Variants in PSMB6 observed in about 807,000 individuals in gnomAD.
PSMB6 encodes proteasome 20S subunit beta 6, also known as proteasome subunit beta type-6.
Under a neutral mutation model 28.2 loss-of-function variants are expected in PSMB6, and 11 were observed. The observed-to-expected ratio is 0.39, with a 90% CI of 0.25 to 0.65. PSMB6 has a LOEUF of 0.65. Ranked by LOEUF, PSMB6 falls within the 30% of genes least tolerant of loss-of-function variation. The probability of loss-of-function intolerance (pLI) is 0.48; values close to 1 mark genes in which losing one functional copy is unlikely to be tolerated. For synonymous variants in PSMB6, 126 were observed against 117.7 expected (o/e 1.07, Z -0.45); for missense variants, 268 against 319.4 (o/e 0.84, Z 1.23).
intron 4 of PSMB6, 46 bp from the exon 5 acceptor site, chr17:4,797,963 T>C: frequency 6.2e-7 from 1 of 1,612,088 alleles, no homozygotes; most frequent in Non-Finnish European, 8.5e-7. Context: ...TGTACGTGTG[T>C]TGGAGGGAGG....
chr17:4,796,687 T>G, intron 1 of PSMB6, 41 bp from the exon 2 acceptor site: 2 of 1,504,280 alleles, frequency 1.3e-6, no homozygotes, highest in Non-Finnish European at 1.9e-6. Context: ...GGTTTGTGTC[T>G]GCTGGAGAAT....
In PSMB6 at chr17:4,798,081, A is replaced by G. The variant is rs1354969847; in HGVS notation, c.505A>G (p.Ile169Val). The change falls in exon 5 of 6, where the codon ATC becomes GTC. Residue 169 changes from isoleucine to valine, a missense_variant. Physicochemically the swap from Ile to Val is conservative, Grantham distance 29. Coordinates refer to ENST00000270586, the MANE Select transcript of PSMB6 (RefSeq NM_002798.3). The stretch of plus-strand genomic sequence containing the variant: ...CATTGGAGGCTCCGGGAGCTCCTAC[A>G]TCTATGGCTATGTTGATGCTACCTA... Reference protein sequence around the residue: ...FAIGGSGSSYIYGYVDATYRE... With the variant: ...FAIGGSGSSYVYGYVDATYRE... 1.2e-6 allele frequency: 2 copies of G among 1,614,108 alleles called. No individual in the cohort carries two copies. Among genetic ancestry groups the G allele is most frequent in the Admixed American group, 3.3e-5 (2 of 59,988 alleles).
rs746269217 is a variant in PSMB6, at chr17:4,797,769, G to A, written c.390G>A (p.Ala130=). 17 of 1,614,010 alleles carry A rather than the reference G, an allele frequency of 1.1e-5. No homozygotes were observed. The highest frequency in any genetic ancestry group is 1.6e-4 in the Middle Eastern group (1 of 6,082). The change falls in exon 4 of 6, where the codon GCG becomes GCA. Residue 130 remains alanine, a synonymous_variant. Transcript: ENST00000270586. ...ACCGATACCGGGAAGACCTGATGGC[G>A]GGAATCATCATCGCAGGCTGGGACC... is the stretch of plus-strand genomic sequence containing the variant. ...MCYRYREDLM[A]GIIIAGWDPQ...
rs376031812 is a variant in PSMB6 at position 4,798,428 on chromosome 17, G to A, written c.*6G>A. ...CCACTTTACCACCCGCCTGAATCCT[G>A]GGATTCTAGTATGCAATAAGAGATG... On this transcript the variant is annotated 3_prime_UTR_variant, in exon 6 of 6. Coordinates refer to ENST00000270586, the MANE Select transcript of PSMB6 (RefSeq NM_002798.3). 2.5e-6 allele frequency: 4 copies of A among 1,613,694 alleles called. No individual in the cohort carries two copies. Among genetic ancestry groups the A allele is most frequent in the South Asian group, 1.1e-5 (1 of 91,014 alleles).
chr17:4,797,173 T>G (rs190928396), intron 2 of PSMB6: 2 of 470,276 alleles, frequency 4.3e-6, no homozygotes, highest in Admixed American at 7.8e-5. Flanking sequence ...AAATTAGCCG[T>G]GCGTGGCGGT....
rs1201146093 is a variant in PSMB6 at position 4,796,318 on chromosome 17, A to G, written c.102+22A>G. 4 of 1,540,186 alleles carry G rather than the reference A, an allele frequency of 2.6e-6. No individual in the cohort carries two copies. In the African/African-American group the frequency reaches 4.1e-5, roughly 16 times the overall value. The stretch of plus-strand genomic sequence containing the variant: ...TGGGGTGAGGAAGGAATCGGGGTTC[A>G]TAGGACGTGCACAAGGCCTGACGCG... On this transcript the variant is annotated intron_variant, in intron 1 of 5. Transcript: ENST00000270586.
intron 5 of PSMB6, 33 bp downstream of exon 5, chr17:4,798,186 C>T (rs1243475291): frequency 1.2e-6 from 2 of 1,613,728 alleles, no homozygotes; most frequent in Non-Finnish European, 1.7e-6. Context: ...CTATGAGCTT[C>T]AACCCCAACT....
intron 2 of PSMB6, chr17:4,797,054 C>T (rs1400680183): frequency 2.0e-6 from 1 of 498,706 alleles, no homozygotes; most frequent in Admixed American, 3.7e-5. Flanking sequence ...TGGCTCACGC[C>T]TGTAATCCCA....
chr17:4,796,802 T>A lies in PSMB6; in HGVS notation c.170+7T>A. 6.3e-7 allele frequency: 1 copy of A among 1,587,152 alleles called. No homozygotes were observed. Among genetic ancestry groups the A allele is most frequent in the East Asian group, 2.2e-5 (1 of 44,734 alleles). ...ACTCCAGAACAACCACTGGGTGAGCTCAGGACAGATTTGTGAAAGGTCTTC... is the reference window on the plus strand; with the variant it reads ...ACTCCAGAACAACCACTGGGTGAGCACAGGACAGATTTGTGAAAGGTCTTC... On this transcript the variant is annotated splice_region_variant and intron_variant, in intron 2 of 5. Transcript: ENST00000270586.
intron 2 of PSMB6, chr17:4,797,019 A>G (rs1486584857): frequency 1.8e-6 from 1 of 560,260 alleles, no homozygotes; most frequent in Non-Finnish European, 3.2e-6. Context: ...GGATGAGAAT[A>G]AGCAATACTG....
rs550862551 is a variant in PSMB6 at position 4,796,189 on chromosome 17, A to G, written c.-6A>G. 16 of 1,577,310 alleles carry G rather than the reference A, an allele frequency of 1.0e-5. No individual in the cohort carries two copies. Among genetic ancestry groups the G allele is most frequent in the Non-Finnish European group, 1.2e-5 (14 of 1,160,994 alleles). On this transcript the variant is annotated 5_prime_UTR_variant, in exon 1 of 6. Coordinates refer to ENST00000270586, the MANE Select transcript of PSMB6 (RefSeq NM_002798.3). The stretch of plus-strand genomic sequence containing the variant: ...AGTTGCTTTGAGGCAGTACCGGAGG[A>G]GAAAGATGGCGGCTACCTTACTAGC...
Position 4,796,396 on chromosome 17 carries a change from A to C in PSMB6, c.102+100A>C. The C allele has an allele frequency of 3.0e-6, 3 of 990,636 alleles. No homozygotes were observed. In the South Asian group the frequency reaches 4.7e-5, roughly 15 times the overall value. 61.4% of individuals were successfully genotyped at this position (990,636 alleles called of 1,614,324 possible). On this transcript the variant is annotated intron_variant, in intron 1 of 5. Coordinates refer to ENST00000270586, the MANE Select transcript of PSMB6 (RefSeq NM_002798.3). ...GAGAGATCTGGCAGGGGTGGAGAGG[A>C]GGTGGAATGTGTTGTGCTCCAGGAA...
intron 4 of PSMB6, 82 bp from the exon 5 acceptor site, chr17:4,797,927 G>T: frequency 6.2e-7 from 1 of 1,604,394 alleles, no homozygotes; most frequent in Non-Finnish European, 8.5e-7. Flanking sequence ...ACGTGCCTCA[G>T]ACCAATAGCA....
At position 4,796,248 on chromosome 17, in the gene PSMB6, G is replaced by C. The variant is rs754447378; in HGVS notation, c.54G>C (p.Gly18=). 1.3e-6 allele frequency: 2 copies of C among 1,592,464 alleles called. No individual in the cohort carries two copies. Among genetic ancestry groups the C allele is most frequent in the South Asian group, 2.3e-5 (2 of 87,542 alleles). The change falls in exon 1 of 6, where the codon GGG becomes GGC. Residue 18 remains glycine, a synonymous_variant. Coordinates refer to ENST00000270586, the MANE Select transcript of PSMB6 (RefSeq NM_002798.3). ...GAGCCGGGCCAGCACCGGCTTGGGG[G>C]CCGGAGGCGTTCACTCCAGACTGGG... The part of the protein sequence containing the change: ...ARGAGPAPAW[G]PEAFTPDWES...
In PSMB6 at chr17:4,796,316, T is replaced by C; in HGVS notation, c.102+20T>C. 6.5e-7 allele frequency: 1 copy of C among 1,541,888 alleles called. No individual in the cohort carries two copies. The highest frequency in any genetic ancestry group is 1.4e-5 in the African/African-American group (1 of 73,282). Reference sequence around the variant, plus strand: ...ACTGGGGTGAGGAAGGAATCGGGGTTCATAGGACGTGCACAAGGCCTGACG... The same window carrying C: ...ACTGGGGTGAGGAAGGAATCGGGGTCCATAGGACGTGCACAAGGCCTGACG... On this transcript the variant is annotated intron_variant, in intron 1 of 5. Coordinates refer to ENST00000270586, the MANE Select transcript of PSMB6 (RefSeq NM_002798.3).
intron 1 of PSMB6, 61 bp from the exon 2 acceptor site, chr17:4,796,667 A>C: frequency 1.4e-6 from 2 of 1,424,084 alleles, no homozygotes; most frequent in Middle Eastern, 1.8e-4. Context: ...CTAGGTAGAG[A>C]GATCATTGAG....
In PSMB6 at chr17:4,797,954, G is replaced by A. The variant is rs1047211286; in HGVS notation, c.433-55G>A. ...CCAATAGCAGAATGGACAGGTGAAT[G>A]TACGTGTGTTGGAGGGAGGATACGA... On this transcript the variant is annotated intron_variant, in intron 4 of 5. Coordinates refer to ENST00000270586, the MANE Select transcript of PSMB6 (RefSeq NM_002798.3). 3 of 1,610,058 alleles carry A rather than the reference G, an allele frequency of 1.9e-6. No individual in the cohort carries two copies. The African/African-American group carries it at 4.0e-5, about 22-fold the overall frequency.
chr17:4,797,323 A>G, intron 2 of PSMB6, 115 bp from the exon 3 acceptor site: 2 of 1,320,298 alleles, frequency 1.5e-6, no homozygotes, highest in South Asian at 1.5e-5. Context: ...TCAAAGAAAA[A>G]GGAAAAAAAG....
At chr17:4,798,174 G>A (rs550797883) in intron 5 of PSMB6, 21 bp downstream of exon 5, 13 of 1,614,000 alleles carry the variant, frequency 8.1e-6, no homozygotes, top group Admixed American at 3.3e-5. Context: ...AGGCTTCTGG[G>A]CCTATGAGCT....
Sources: gnomAD v4.1 joint callset for allele counts on GRCh38, gnomAD v4.1.1 for gene constraint, MANE v1.5 for transcripts, NCBI Gene and HGNC (gene_info 2026-07-23, HGNC 2026-07-21) for gene names.